Variants in PTPRJ observed in about 807,000 individuals in gnomAD.
The protein encoded by PTPRJ is receptor-type tyrosine-protein phosphatase eta.
PTPRJ carries 129 observed loss-of-function variants against 141.3 expected under a neutral mutation model. That is an observed-to-expected ratio of 0.91 (90% CI 0.79 to 1.06). The LOEUF (loss-of-function observed/expected upper bound fraction) is 1.06. PTPRJ is among the 50% of genes least tolerant of loss of function. The probability of loss-of-function intolerance (pLI) is 0.00; values close to 1 mark genes in which losing one functional copy is unlikely to be tolerated. For synonymous variants in PTPRJ, 610 were observed against 640.5 expected (o/e 0.95, Z 0.72); for missense variants, 1,601 against 1,679.7 (o/e 0.95, Z 0.82).
intron 1 of PTPRJ, among the ~76,000 whole-genome samples, chr11:48,102,658 C>T (rs141667996): frequency 6.6e-6 from 1 of 152,024 alleles, no homozygotes; most frequent in Non-Finnish European, 1.5e-5. Context: ...CTCAGGTGAT[C>T]CACCTGCCTC....
At chr11:48,090,099 C>G (rs537570947) in intron 1 of PTPRJ, among the ~76,000 whole-genome samples, 8 of 152,180 alleles carry the variant, frequency 5.3e-5, no homozygotes, top group Admixed American at 5.2e-4. Context: ...CTCCCTCCCC[C>G]CAACCAAGGA....
chr11:48,106,388 A>G (rs981792910), intron 1 of PTPRJ, among the ~76,000 whole-genome samples: 2 of 152,220 alleles, frequency 1.3e-5, no homozygotes, highest in Non-Finnish European at 2.9e-5. Flanking sequence ...TCTCAGCCCT[A>G]GGATGAGGCT....
intron 18 of PTPRJ, among the ~76,000 whole-genome samples, chr11:48,150,474 G>A (rs904580262): frequency 6.6e-6 from 1 of 152,188 alleles, no homozygotes; most frequent in Non-Finnish European, 1.5e-5. Context: ...TGTCCTGGAT[G>A]TCTACCTTGG....
intron 1 of PTPRJ, among the ~76,000 whole-genome samples, chr11:48,069,574 C>T (rs1270414890): frequency 1.3e-5 from 2 of 151,664 alleles, no homozygotes; most frequent in East Asian, 3.9e-4. Flanking sequence ...CTCAGCCTCC[C>T]GAGTAGATGG....
intron 1 of PTPRJ, among the ~76,000 whole-genome samples, chr11:48,063,350 A>G (rs1410037750): frequency 6.6e-6 from 1 of 152,168 alleles, no homozygotes; most frequent in Non-Finnish European, 1.5e-5. Flanking sequence ...AACAAGAACA[A>G]CAAGAACAAA....
intron 1 of PTPRJ, among the ~76,000 whole-genome samples, chr11:48,042,738 T>C (rs1180985919): frequency 2.0e-5 from 3 of 150,680 alleles, no homozygotes; most frequent in Non-Finnish European, 4.4e-5. Context: ...TGACTTTCTT[T>C]TGCCTGTGTG....
rs1858029693 is a variant in PTPRJ, at chr11:48,170,523, T to G, written c.*3161T>G. On this transcript the variant is annotated 3_prime_UTR_variant, in exon 25 of 25. Transcript: ENST00000418331. ...AAATGCTTGATTGTACTTATTGAGC[T>G]AAACAAGTCTTGGTGACTGTTGTTG... The G allele has an allele frequency of 6.6e-6, 1 of 152,202 alleles. No individual in the cohort carries two copies. The highest frequency in any genetic ancestry group is 6.5e-5 in the Admixed American group (1 of 15,278). 9.4% of individuals were successfully genotyped at this position (152,202 alleles called of 1,614,324 possible).
rs1858028939 is a variant in PTPRJ at position 48,170,503 on chromosome 11, C to CTTGA, written c.*3145_*3148dup. 1 of 152,116 alleles carries CTTGA rather than the reference C, an allele frequency of 6.6e-6. No homozygotes were observed. The highest frequency in any genetic ancestry group is 6.6e-5 in the Admixed American group (1 of 15,266). 9.4% of individuals were successfully genotyped at this position (152,116 alleles called of 1,614,324 possible). A position where few individuals can be genotyped will look rare whatever the true frequency, so the allele number is the denominator to read the frequency against. On this transcript the variant is annotated 3_prime_UTR_variant, in exon 25 of 25. Coordinates refer to ENST00000418331, the MANE Select transcript of PTPRJ (RefSeq NM_002843.4). ...AAAAGCCTGGTTCTCTTTTGAAATGCTTGATTGTACTTATTGAGCTAAACA... is the reference window on the plus strand; with the variant it reads ...AAAAGCCTGGTTCTCTTTTGAAATGCTTGATTGATTGTACTTATTGAGCTAAACA...
intron 1 of PTPRJ, among the ~76,000 whole-genome samples, chr11:48,048,052 G>A (rs535557952): frequency 2.0e-5 from 3 of 152,106 alleles, no homozygotes; most frequent in African/African-American, 4.8e-5. Flanking sequence ...TTCAGTTGTC[G>A]TTGTCCATGT....
Position 48,060,117 on chromosome 11 carries a change from C to G in PTPRJ, c.97-49941C>G, listed in dbSNP as rs572593227. Among the ~76,000 whole-genome samples the G allele has an allele frequency of 1.2e-4, 18 of 152,262 alleles. No homozygotes were observed. The South Asian group carries it at 3.7e-3, about 32-fold the overall frequency. On this transcript the variant is annotated intron_variant, in intron 1 of 24. Coordinates refer to ENST00000418331, the MANE Select transcript of PTPRJ (RefSeq NM_002843.4). ...TTCGGATTAACTGTAATACATCACACTTTCGAAAGTGAAGATATGCCTATT... is the reference window on the plus strand; with the variant it reads ...TTCGGATTAACTGTAATACATCACAGTTTCGAAAGTGAAGATATGCCTATT...
intron 1 of PTPRJ, among the ~76,000 whole-genome samples, chr11:48,101,743 G>A (rs377009649): frequency 2.4e-4 from 37 of 152,294 alleles, no homozygotes; most frequent in African/African-American, 8.2e-4. Flanking sequence ...GTTTTTATCC[G>A]TATTCTAAGG....
At position 48,089,181 on chromosome 11, in the gene PTPRJ, G is replaced by A. The variant is rs116293645; in HGVS notation, c.97-20877G>A. Reference sequence around the variant, plus strand: ...TTTTAAAAAGAAATTGTAAAAGGAAGCTATGTCCTGTGTGGAAATCATGAC... The same window carrying A: ...TTTTAAAAAGAAATTGTAAAAGGAAACTATGTCCTGTGTGGAAATCATGAC... On this transcript the variant is annotated intron_variant, in intron 1 of 24. Coordinates refer to ENST00000418331, the MANE Select transcript of PTPRJ (RefSeq NM_002843.4). 8.5e-3 allele frequency among the ~76,000 whole-genome samples: 1,290 copies of A among 152,294 alleles called. 22 individuals are homozygous for A. Among genetic ancestry groups the A allele is most frequent in the African/African-American group, 0.029 (1,201 of 41,562 alleles).
chr11:48,008,410 C>T (rs1233051942), intron 1 of PTPRJ, among the ~76,000 whole-genome samples: 1 of 151,944 alleles, frequency 6.6e-6, no homozygotes, highest in Non-Finnish European at 1.5e-5. Context: ...CAGGCATGTG[C>T]CACCACGCCC....
At chr11:48,019,484 T>C (rs1855051611) in intron 1 of PTPRJ, among the ~76,000 whole-genome samples, 1 of 152,080 alleles carries the variant, frequency 6.6e-6, no homozygotes, top group Non-Finnish European at 1.5e-5. Context: ...GCAATCACAT[T>C]TGCTCACGTC....
intron 3 of PTPRJ, among the ~76,000 whole-genome samples, chr11:48,114,429 C>CAAAAAAAAA (rs71045544): frequency 4.4e-5 from 3 of 68,716 alleles, no homozygotes; most frequent in African/African-American, 2.0e-4. Context: ...GACTCTGTCT[C>CAAAAAAAAA]AAAAAAAAAA....
intron 10 of PTPRJ, among the ~76,000 whole-genome samples, chr11:48,137,969 C>T (rs565998504): frequency 6.6e-6 from 1 of 152,108 alleles, no homozygotes; most frequent in Non-Finnish European, 1.5e-5. Flanking sequence ...TCAGGGCAGC[C>T]CAGGAAAGGC....
At chr11:48,005,956 A>G (rs941417031) in intron 1 of PTPRJ, among the ~76,000 whole-genome samples, 1 of 152,264 alleles carries the variant, frequency 6.6e-6, no homozygotes, top group African/African-American at 2.4e-5. Flanking sequence ...GCCAGCTTGC[A>G]GCCACCTGCC....
In PTPRJ at chr11:48,136,073, C is replaced by T. The variant is rs148782546; in HGVS notation, c.1650C>T (p.Tyr550=). The part of the protein sequence containing the change: ...PSAVFDIHVV[Y]VTTTEMWLDW... ...CAGTGTTTGACATCCACGTGGTCTA[C>T]GTCACCACCACGGAGATGTGGCTGG... The change falls in exon 9 of 25, where the codon TAC becomes TAT. Residue 550 remains tyrosine (Y), a synonymous_variant. Coordinates refer to ENST00000418331, the MANE Select transcript of PTPRJ (RefSeq NM_002843.4). The T allele has an allele frequency of 2.5e-3, 3,998 of 1,614,146 alleles. 94 individuals carry two copies. Among genetic ancestry groups the T allele is most frequent in the African/African-American group, 7.3e-4 (55 of 75,044 alleles).
At position 48,144,967 on chromosome 11, in the gene PTPRJ, A is replaced by C. The variant is rs772399602; in HGVS notation, c.2787-33A>C. On this transcript the variant is annotated intron_variant, in intron 13 of 24. Transcript: ENST00000418331. ...ACATGCCTGCGGTCAGACACGTCTC[A>C]GGGACCTCTTTTTGCTCTTTGTTAT... The C allele has an allele frequency of 1.9e-6, 3 of 1,614,134 alleles. No individual in the cohort carries two copies. The South Asian group carries it at 3.3e-5, about 18-fold the overall frequency.
Sources: allele counts gnomAD v4.1 joint callset (sites outside exome capture counted in the v4.1 genomes callset), GRCh38; gene constraint gnomAD v4.1.1; transcripts MANE v1.5; gene names NCBI Gene and HGNC (gene_info 2026-07-23, HGNC 2026-07-21).